Variants in CELF2 observed in about 807,000 individuals in gnomAD.
CELF2 encodes CUGBP Elav-like family member 2.
Under a neutral mutation model 62.6 loss-of-function variants are expected in CELF2, and 8 were observed. The ratio of observed to expected loss-of-function variants is 0.13; its 90% confidence interval spans 0.07 to 0.23. CELF2 has a LOEUF of 0.23. Ranked by LOEUF, CELF2 falls within the 10% of genes least tolerant of loss-of-function variation. The pLI, the probability that CELF2 is intolerant of heterozygous loss-of-function variation, is 1.00. For synonymous variants in CELF2, 258 were observed against 250.0 expected (o/e 1.03, Z -0.30); for missense variants, 333 against 671.0 (o/e 0.50, Z 5.56).
intron 9 of CELF2, among the ~76,000 whole-genome samples, chr10:11,288,864 GC>G (rs1334498734): frequency 3.9e-5 from 6 of 152,318 alleles, no homozygotes; most frequent in Admixed American, 1.3e-4. Flanking sequence ...ACTGTGAAGA[GC>G]CTCCGTCTCT....
At chr10:11,014,491 A>G (rs2056953621), upstream of CELF2, among the ~76,000 whole-genome samples, 1 of 152,256 alleles carries the variant, frequency 6.6e-6, no homozygotes, top group Non-Finnish European at 1.5e-5. Context: ...AAAAATGTTG[A>G]AAGATCTCAA....
chr10:10,718,309 C>T, the CELF2 span, among the ~76,000 whole-genome samples: 1 of 152,130 alleles, frequency 6.6e-6, no homozygotes, highest in Non-Finnish European at 1.5e-5. Context: ...CATTCACTTC[C>T]TCAATTCCCC....
intron 1 of CELF2, among the ~76,000 whole-genome samples, chr10:11,081,021 T>C (rs1264763992): frequency 1.3e-5 from 2 of 152,252 alleles, no homozygotes; most frequent in East Asian, 3.9e-4. Context: ...ATTTCTCAGA[T>C]GTTGCTTTAG....
intron 1 of CELF2, among the ~76,000 whole-genome samples, chr10:11,087,253 G>A (rs2047072673): frequency 6.6e-6 from 1 of 152,188 alleles, no homozygotes; most frequent in African/African-American, 2.4e-5. Flanking sequence ...AATGAACAAT[G>A]TAAAAAGATT....
chr10:11,285,651 C>T lies in CELF2; in HGVS notation c.842-2767C>T, dbSNP rs969690055. Among the ~76,000 whole-genome samples, 3 of 152,064 alleles carry T rather than the reference C, an allele frequency of 2.0e-5. No individual in the cohort carries two copies. Among genetic ancestry groups the T allele is most frequent in the African/African-American group, 7.2e-5 (3 of 41,390 alleles). The stretch of plus-strand genomic sequence containing the variant: ...TAGTTAATGATTGAGAGGAAACAGC[C>T]AATATTTGATGCTGTTGTAAATACC... On this transcript the variant is annotated intron_variant, in intron 8 of 12. Coordinates refer to ENST00000633077, the MANE Select transcript of CELF2 (RefSeq NM_001326342.2). The surrounding 1 kb of genome is among the most constrained non-coding windows in gnomAD (Gnocchi z 4.3).
chr10:10,626,314 T>C, the CELF2 span, among the ~76,000 whole-genome samples: 2 of 152,194 alleles, frequency 1.3e-5, no homozygotes, highest in Non-Finnish European at 2.9e-5. Flanking sequence ...CATGTCAAGA[T>C]CTCCCCATGT....
At chr10:11,019,854 A>G (rs569654473) in intron 1 of CELF2, among the ~76,000 whole-genome samples, 1 of 152,302 alleles carries the variant, frequency 6.6e-6, no homozygotes, top group Non-Finnish European at 1.5e-5. Flanking sequence ...ATGAGCTAGT[A>G]TGAAAGTTTT....
intron 1 of CELF2, chr10:11,030,925 C>A (rs1376886082): frequency 6.6e-6 from 1 of 152,236 alleles, no homozygotes; most frequent in Non-Finnish European, 1.5e-5. Context: ...GAGGCAGATT[C>A]TCACTTACTG....
chr10:10,530,712 T>C, the CELF2 span, among the ~76,000 whole-genome samples: 2 of 152,240 alleles, frequency 1.3e-5, no homozygotes, highest in African/African-American at 4.8e-5. Flanking sequence ...CCTGGTTACC[T>C]ACAAAGGTGT....
chr10:10,784,084 A>G, the CELF2 span, among the ~76,000 whole-genome samples: 1 of 152,194 alleles, frequency 6.6e-6, no homozygotes, highest in Non-Finnish European at 1.5e-5. Flanking sequence ...ATGGCTCCAG[A>G]TATTCAACTA....
Position 11,329,333 on chromosome 10 carries a change from T to G in CELF2, c.*280T>G, listed in dbSNP as rs1333370211. 4.6e-6 allele frequency: 1 copy of G among 216,700 alleles called. No homozygotes were observed. Among genetic ancestry groups the G allele is most frequent in the African/African-American group, 2.3e-5 (1 of 43,694 alleles). 13.4% of individuals were successfully genotyped at this position (216,700 alleles called of 1,614,324 possible). On this transcript the variant is annotated 3_prime_UTR_variant, in exon 13 of 13. Coordinates refer to ENST00000633077, the MANE Select transcript of CELF2 (RefSeq NM_001326342.2). The surrounding 1 kb of genome is among the most constrained non-coding windows in gnomAD (Gnocchi z 5.5). ...GCGATTTGAATCTCCTTTTACCTTT[T>G]TTTTTAATTTTTTTCATTTTTGCTT...
the CELF2 span, among the ~76,000 whole-genome samples, chr10:10,608,795 TG>T: frequency 6.6e-6 from 1 of 152,316 alleles, no homozygotes; most frequent in South Asian, 2.1e-4. Context: ...CTGTATTATC[TG>T]GAATTCCTCC....
intron 9 of CELF2, among the ~76,000 whole-genome samples, chr10:11,294,591 TA>T (rs1206789521): frequency 1.3e-5 from 2 of 152,196 alleles, no homozygotes; most frequent in Non-Finnish European, 2.9e-5. Context: ...AGCCAGTTGG[TA>T]AAATGGGCTG....
At chr10:10,748,254 T>C in the CELF2 span, among the ~76,000 whole-genome samples, 3 of 151,968 alleles carry the variant, frequency 2.0e-5, no homozygotes, top group Non-Finnish European at 2.9e-5. Context: ...CACATAGAAA[T>C]GATAAATAGT....
At position 11,319,966 on chromosome 10, in the gene CELF2, T is replaced by C. The variant is rs1467989008; in HGVS notation, c.1097-1223T>C. On this transcript the variant is annotated intron_variant, in intron 10 of 12. Transcript: ENST00000633077. This position sits in a 1 kb window ranked among gnomAD's most constrained non-coding sequence, Gnocchi z 4.4. ...CAGCCTTACCTTAGCTGTCCTCCAT[T>C]CTCATTAGACTTCTTACCTATTTTT... is the stretch of plus-strand genomic sequence containing the variant. 1 of 443,566 alleles carries C rather than the reference T, an allele frequency of 2.3e-6. No homozygotes were observed. The highest frequency in any genetic ancestry group is 2.0e-5 in the African/African-American group (1 of 49,404). 27.5% of individuals were successfully genotyped at this position (443,566 alleles called of 1,614,324 possible).
rs998885438 is a variant in CELF2 at position 11,297,214 on chromosome 10, C to T, written c.976+8662C>T. Among the ~76,000 whole-genome samples, 2 of 152,142 alleles carry T rather than the reference C, an allele frequency of 1.3e-5. No homozygotes were observed. Among genetic ancestry groups the T allele is most frequent in the Non-Finnish European group, 2.9e-5 (2 of 68,030 alleles). Reference sequence around the variant, plus strand: ...TCATATAAAATGATCGGACGTGGCACATGGAGAGCTCAAGTGCACATGAAC... The same window carrying T: ...TCATATAAAATGATCGGACGTGGCATATGGAGAGCTCAAGTGCACATGAAC... On this transcript the variant is annotated intron_variant, in intron 9 of 12. Coordinates refer to ENST00000633077, the MANE Select transcript of CELF2 (RefSeq NM_001326342.2). This position sits in a 1 kb window ranked among gnomAD's most constrained non-coding sequence, Gnocchi z 4.4.
chr10:10,964,124 A>G (rs201083), intron 2 of CELF2, among the ~76,000 whole-genome samples: 17,400 of 152,206 alleles, frequency 0.11, 3,360 homozygotes, highest in African/African-American at 0.4. Flanking sequence ...TATTAAGATA[A>G]CACTATTTTG....
chr10:10,829,201 T>C (rs1326383665), intron 1 of CELF2, among the ~76,000 whole-genome samples: 1 of 152,238 alleles, frequency 6.6e-6, no homozygotes, highest in Non-Finnish European at 1.5e-5. Flanking sequence ...CTTGCAAACC[T>C]GTTCTTCTTC....
At chr10:11,172,988 C>T (rs1041923092) in intron 2 of CELF2, among the ~76,000 whole-genome samples, 4 of 152,304 alleles carry the variant, frequency 2.6e-5, no homozygotes, top group Admixed American at 2.0e-4. Flanking sequence ...CCCTCCAGCA[C>T]GTATTGCAGG....
Sources: allele counts gnomAD v4.1 joint callset (sites outside exome capture counted in the v4.1 genomes callset), GRCh38; gene constraint gnomAD v4.1.1; non-coding constraint Gnocchi (gnomAD v3.1); transcripts MANE v1.5; gene names NCBI Gene and HGNC (gene_info 2026-07-23, HGNC 2026-07-21).